Variants in CSPP1 observed in about 807,000 individuals in gnomAD.
The protein encoded by CSPP1 is centrosome and spindle pole associated protein 1.
In CSPP1, 126 loss-of-function variants were observed where a neutral mutation model predicts 164.4. That is an observed-to-expected ratio of 0.77 (90% CI 0.66 to 0.89). CSPP1 has a LOEUF of 0.89. Among genes scored for constraint, CSPP1 ranks in the 40% least tolerant of loss-of-function variants. The pLI is 0.00. For missense variants in CSPP1, 1,395 were observed against 1,449.8 expected (o/e 0.96, Z 0.61); for synonymous variants, 472 against 476.7 (o/e 0.99, Z 0.13).
At chr8:67,173,841 CTGTT>C (rs1464645695) in intron 25 of CSPP1, 7 of 152,308 alleles carry the variant, frequency 4.6e-5, no homozygotes, top group Middle Eastern at 3.4e-3. Flanking sequence ...GAAGTCAAAA[CTGTT>C]TGTATTATAA....
chr8:67,134,551 C>CT (rs35436646), intron 16 of CSPP1: 8,817 of 104,698 alleles, frequency 0.084, 949 homozygotes, highest in African/African-American at 0.24. Context: ...TTAGCATCAT[C>CT]TTTTTTTTTT....
At chr8:67,150,072 T>C (rs919243172) in intron 18 of CSPP1, 137 bp downstream of exon 18, 6 of 827,938 alleles carry the variant, frequency 7.2e-6, no homozygotes, top group Non-Finnish European at 8.4e-6. Context: ...TAACACACTA[T>C]TCATAAAGTG....
At chr8:67,191,009 T>A (rs558372763) in intron 29 of CSPP1, among the ~76,000 whole-genome samples, 1 of 152,312 alleles carries the variant, frequency 6.6e-6, no homozygotes, top group Admixed American at 6.5e-5. Context: ...ATCCCAACCT[T>A]CCTTCTTCTC....
Position 67,111,979 on chromosome 8 carries a change from A to C in CSPP1, c.1101A>C (p.Glu367Asp), listed in dbSNP as rs768714635. ...TCTCATACCACTATCTAGGAGGTGA[A>C]GATCGAGAACTTATTCAGAGAAGGA... Reference protein sequence around the residue: ...SPFAGMLFGGEDRELIQRRKE... With the variant: ...SPFAGMLFGGDDRELIQRRKE... Residue 367 changes from glutamate (E) to aspartate (D), a missense_variant, in exon 10 of 31, where the codon GAA becomes GAC. Physicochemically the swap from Glu to Asp is conservative, Grantham distance 45. Transcript: ENST00000678616. 1.2e-6 allele frequency: 2 copies of C among 1,604,106 alleles called. No individual in the cohort carries two copies. Among genetic ancestry groups the C allele is most frequent in the South Asian group, 1.1e-5 (1 of 90,240 alleles).
At chr8:67,117,340 C>T (rs2129551161) in intron 13 of CSPP1, among the ~76,000 whole-genome samples, 1 of 152,150 alleles carries the variant, frequency 6.6e-6, no homozygotes, top group Non-Finnish European at 1.5e-5. Flanking sequence ...CTTCTTAGTT[C>T]TTTGGAATTA....
intron 15 of CSPP1, among the ~76,000 whole-genome samples, chr8:67,126,616 C>T (rs1227081888): frequency 1.3e-5 from 2 of 152,178 alleles, no homozygotes; most frequent in African/African-American, 4.8e-5. Context: ...TCACATCCCA[C>T]TTGCACAGGG....
intron 18 of CSPP1, among the ~76,000 whole-genome samples, chr8:67,152,383 C>T (rs1273404421): frequency 6.6e-6 from 1 of 152,006 alleles, no homozygotes; most frequent in Non-Finnish European, 1.5e-5. Flanking sequence ...TTATAATGTT[C>T]ATTATTTTTT....
intron 10 of CSPP1, among the ~76,000 whole-genome samples, chr8:67,113,176 C>T (rs1210012287): frequency 3.3e-5 from 5 of 152,044 alleles, no homozygotes; most frequent in African/African-American, 7.2e-5. Context: ...ACCTGGGAGG[C>T]GGAGTTTGCA....
intron 16 of CSPP1, chr8:67,135,259 C>G (rs552048900): frequency 6.6e-6 from 1 of 152,246 alleles, no homozygotes; most frequent in Non-Finnish European, 1.5e-5. Flanking sequence ...CAACCTCCAC[C>G]TCAGCCTCCC....
At chr8:67,146,790 T>C (rs896560114) in intron 17 of CSPP1, among the ~76,000 whole-genome samples, 2 of 152,202 alleles carry the variant, frequency 1.3e-5, no homozygotes, top group Non-Finnish European at 2.9e-5. Context: ...ATTCACTCAG[T>C]GAGGAGCACG....
At chr8:67,184,572 A>C (rs942702802) in intron 28 of CSPP1, among the ~76,000 whole-genome samples, 3 of 151,356 alleles carry the variant, frequency 2.0e-5, no homozygotes, top group African/African-American at 7.3e-5. Context: ...TAAAAATATA[A>C]AGATTAGCTG....
At chr8:67,085,550 G>A (rs950710430) in intron 3 of CSPP1, among the ~76,000 whole-genome samples, 5 of 151,998 alleles carry the variant, frequency 3.3e-5, no homozygotes, top group Non-Finnish European at 5.9e-5. Flanking sequence ...AGAAATTAGT[G>A]TATAATTAAG....
Position 67,118,351 on chromosome 8 carries a change from G to A in CSPP1, c.1600G>A (p.Asp534Asn), listed in dbSNP as rs773480768. The change falls in exon 14 of 31, where the codon GAT (aspartate) becomes AAT (asparagine). Residue 534 changes from aspartate (D) to asparagine (N), a missense_variant. Coordinates refer to ENST00000678616, the MANE Select transcript of CSPP1 (RefSeq NM_001382391.1). ...YYFYGSRNTF[D>N]PSLAYYGSGM... Reference sequence around the variant, plus strand: ...TTTTTATGGGTCCAGGAATACTTTCGATCCCAGTCTTGCTTATTGTAAGTT... The same window carrying A: ...TTTTTATGGGTCCAGGAATACTTTCAATCCCAGTCTTGCTTATTGTAAGTT... 1.1e-5 allele frequency: 18 copies of A among 1,613,244 alleles called. No homozygotes were observed. Among genetic ancestry groups the A allele is most frequent in the Non-Finnish European group, 1.4e-5 (16 of 1,179,616 alleles).
intron 2 of CSPP1, 52 bp downstream of exon 2, chr8:67,074,403 AT>A: frequency 9.1e-7 from 1 of 1,095,808 alleles, no homozygotes; most frequent in East Asian, 2.5e-5. Flanking sequence ...GTCTATGGAG[AT>A]TACTCCTGTG....
intron 7 of CSPP1, among the ~76,000 whole-genome samples, chr8:67,101,080 T>C (rs1212188385): frequency 1.3e-5 from 2 of 152,180 alleles, no homozygotes; most frequent in African/African-American, 2.4e-5. Context: ...TCTCTCCCAG[T>C]GGTGTCACAC....
chr8:67,100,898 T>C lies in CSPP1; in HGVS notation c.924-2139T>C, dbSNP rs535717701. Among the ~76,000 whole-genome samples, 365 of 152,240 alleles carry C rather than the reference T, an allele frequency of 2.4e-3. 1 individual carries two copies. Among genetic ancestry groups the C allele is most frequent in the African/African-American group, 8.6e-3 (356 of 41,560 alleles). ...ACTTTTTGTGTTGTGTCATGGGTTC[T>C]CAAGAAAACCTCTAGGTTGGGTGAT... On this transcript the variant is annotated intron_variant, in intron 7 of 30. Transcript: ENST00000678616.
intron 28 of CSPP1, among the ~76,000 whole-genome samples, chr8:67,188,601 T>C (rs1160506563): frequency 6.6e-6 from 1 of 152,220 alleles, no homozygotes; most frequent in Non-Finnish European, 1.5e-5. Flanking sequence ...ATCTTGGAAC[T>C]GCATGCTCTT....
intron 24 of CSPP1, among the ~76,000 whole-genome samples, chr8:67,171,373 C>G (rs1830433554): frequency 6.6e-6 from 1 of 151,576 alleles, no homozygotes; most frequent in Non-Finnish European, 1.5e-5. Flanking sequence ...TGCACTCCAG[C>G]CTGGCAAGAG....
chr8:67,126,747 G>A (rs1033237308), intron 15 of CSPP1, among the ~76,000 whole-genome samples: 1 of 152,004 alleles, frequency 6.6e-6, no homozygotes, highest in Admixed American at 6.6e-5. Flanking sequence ...AGACCCCATG[G>A]GCATGTTATT....
Sources: gnomAD v4.1 joint callset for allele counts (sites outside exome capture counted in the v4.1 genomes callset) on GRCh38, gnomAD v4.1.1 for gene constraint, MANE v1.5 for transcripts, NCBI Gene and HGNC (gene_info 2026-07-23, HGNC 2026-07-21) for gene names.